Variants in ARHGEF9 observed in about 807,000 individuals in gnomAD.
ARHGEF9 encodes the protein rho guanine nucleotide exchange factor 9.
Under a neutral mutation model 41.3 loss-of-function variants are expected in ARHGEF9, and 2 were observed. The observed-to-expected ratio is 0.05, with a 90% CI of 0.02 to 0.15. The LOEUF is 0.15. Among genes scored for constraint, ARHGEF9 ranks in the 10% least tolerant of loss-of-function variants. ARHGEF9 has a pLI of 1.00. For synonymous variants in ARHGEF9, 160 were observed against 154.4 expected, an observed-to-expected ratio of 1.04 and a Z score of -0.27; for missense variants, 225 against 424.7, an observed-to-expected ratio of 0.53 and a Z score of 4.13.
chrX:63,638,296 C>G, intron 9 of ARHGEF9, 87 bp from the exon 10 acceptor site: 1 of 833,421 alleles, frequency 1.2e-6, no homozygotes, highest in Non-Finnish European at 1.8e-6. Flanking sequence ...TCTGGGCAGA[C>G]AACTCAAGGC....
intron 1 of ARHGEF9, among the ~76,000 whole-genome samples, chrX:63,772,132 T>G (rs1297108956): frequency 8.9e-6 from 1 of 112,286 alleles, no homozygotes; most frequent in Non-Finnish European, 1.9e-5. Context: ...CTTAAACAGG[T>G]GAAGTCACTT....
rs1452692880 is a variant in ARHGEF9, at chrX:63,637,060, T to C, written c.*968A>G. On this transcript the variant is annotated 3_prime_UTR_variant, in exon 10 of 10. Coordinates refer to ENST00000671741, the MANE Select transcript of ARHGEF9 (RefSeq NM_001353921.2). The stretch of plus-strand genomic sequence containing the variant: ...ACCTCTGCTTCCAGTTCAGATCTTT[T>C]GGGCTAAGGGAGAGACAGGCCTAGG... 26 of 295,392 alleles carry C rather than the reference T, an allele frequency of 8.8e-5. No homozygotes were observed. Among genetic ancestry groups the C allele is most frequent in the Admixed American group, 1.2e-4 (2 of 16,171 alleles). The allele number at this position is 295,392 out of a possible 1,213,427, so 24.3% of individuals were successfully genotyped here.
In ARHGEF9 at chrX:63,667,166, C is replaced by T. The variant is rs782175924; in HGVS notation, c.946-1149G>A. Reference sequence around the variant, plus strand: ...GAGCACCTATATGAGTCAGACAGTGCGCCAGATATTTTCAATCTATCTTAT... The same window carrying T: ...GAGCACCTATATGAGTCAGACAGTGTGCCAGATATTTTCAATCTATCTTAT... On this transcript the variant is annotated intron_variant, in intron 6 of 9. Coordinates refer to ENST00000671741, the MANE Select transcript of ARHGEF9 (RefSeq NM_001353921.2). Among the ~76,000 whole-genome samples, 3 of 111,717 alleles carry T rather than the reference C, an allele frequency of 2.7e-5. No individual in the cohort carries two copies. In the South Asian group the frequency reaches 1.1e-3, roughly 42 times the overall value.
At chrX:63,756,868 CCA>C (rs2147795678) in intron 1 of ARHGEF9, among the ~76,000 whole-genome samples, 1 of 111,792 alleles carries the variant, frequency 8.9e-6, no homozygotes, top group Non-Finnish European at 1.9e-5. Flanking sequence ...ACCCCTCAAC[CCA>C]CTGCATCCTG....
At chrX:63,671,504 G>C (rs1289120195) in intron 6 of ARHGEF9, 3 of 112,393 alleles carry the variant, frequency 2.7e-5, no homozygotes, top group African/African-American at 9.7e-5. Flanking sequence ...ACAAAGAACA[G>C]CAATTGGGCT....
chrX:63,748,152 A>G (rs1466662290), intron 1 of ARHGEF9, among the ~76,000 whole-genome samples: 1 of 112,427 alleles, frequency 8.9e-6, no homozygotes. Context: ...AACCAGGTGC[A>G]GTCTGCACTG....
intron 2 of ARHGEF9, among the ~76,000 whole-genome samples, chrX:63,724,157 A>G (rs1472674851): frequency 9.0e-6 from 1 of 111,081 alleles, no homozygotes; most frequent in Non-Finnish European, 1.9e-5. Flanking sequence ...AAAGATGAGA[A>G]ATAGAAAGCA....
intron 4 of ARHGEF9, among the ~76,000 whole-genome samples, chrX:63,680,460 C>T (rs1556367825): frequency 8.9e-6 from 1 of 112,031 alleles, no homozygotes; most frequent in Non-Finnish European, 1.9e-5. Flanking sequence ...GGGACACTGC[C>T]CTAATGACCA....
Position 63,636,940 on chromosome X carries a change from C to G in ARHGEF9, c.*1088G>C. On this transcript the variant is annotated 3_prime_UTR_variant, in exon 10 of 10. Coordinates refer to ENST00000671741, the MANE Select transcript of ARHGEF9 (RefSeq NM_001353921.2). ...CATCTGTAAATGGGAGCAGGGACAA[C>G]CAGGACACTGAACTGATTGCTGTAG... 2 of 297,210 alleles carry G rather than the reference C, an allele frequency of 6.7e-6. No individual in the cohort carries two copies. Among genetic ancestry groups the G allele is most frequent in the Non-Finnish European group, 1.2e-5 (2 of 170,286 alleles). The allele number at this position is 297,210 out of a possible 1,213,427, so 24.5% of individuals were successfully genotyped here.
rs1372137519 is a variant in ARHGEF9 at position 63,698,117 on chromosome X, A to C, written c.403-813T>G. Among the ~76,000 whole-genome samples the C allele has an allele frequency of 3.8e-5, 4 of 106,032 alleles. No individual in the cohort carries two copies. In the Admixed American group the frequency reaches 4.1e-4, roughly 11 times the overall value. The allele number at this position is 106,032 out of a possible 115,157, so 92.1% of individuals were successfully genotyped here. A position where few individuals can be genotyped will look rare whatever the true frequency, so the allele number is the denominator to read the frequency against. On this transcript the variant is annotated intron_variant, in intron 3 of 9. Coordinates refer to ENST00000671741, the MANE Select transcript of ARHGEF9 (RefSeq NM_001353921.2). ...AGGACACATTTATAAATTTATATAT[A>C]TATATATAAATTTATAAATATATCA...
At chrX:63,773,486 A>G (rs1556456090) in intron 1 of ARHGEF9, among the ~76,000 whole-genome samples, 1 of 112,306 alleles carries the variant, frequency 8.9e-6, no homozygotes, top group Non-Finnish European at 1.9e-5. Context: ...CCACACAGAT[A>G]CAGAGTAGCG....
intron 4 of ARHGEF9, among the ~76,000 whole-genome samples, chrX:63,680,416 G>A (rs1602370602): frequency 8.9e-6 from 1 of 112,374 alleles, no homozygotes; most frequent in East Asian, 2.8e-4. Context: ...ACAGGGAGGA[G>A]ACAGGAGTGT....
intron 8 of ARHGEF9, among the ~76,000 whole-genome samples, chrX:63,651,889 T>C (rs1216092444): frequency 8.3e-5 from 9 of 108,130 alleles, no homozygotes; most frequent in East Asian, 2.9e-4. Flanking sequence ...GAAATGAAAA[T>C]AGCCATTAAG....
intron 1 of ARHGEF9, among the ~76,000 whole-genome samples, chrX:63,777,530 A>T (rs1474563574): frequency 1.8e-5 from 2 of 111,850 alleles, no homozygotes; most frequent in African/African-American, 6.5e-5. Flanking sequence ...TCACTCCAGC[A>T]TTAACTCAAA....
chrX:63,701,048 C>A (rs2052127873), intron 3 of ARHGEF9, among the ~76,000 whole-genome samples: 1 of 111,756 alleles, frequency 8.9e-6, no homozygotes, highest in Admixed American at 9.5e-5. Context: ...AGGAAAGCTG[C>A]CCATCTATTT....
chrX:63,699,496 T>C (rs1432836747), intron 3 of ARHGEF9, among the ~76,000 whole-genome samples: 2 of 112,055 alleles, frequency 1.8e-5, no homozygotes, highest in Non-Finnish European at 3.8e-5. Context: ...GCATAAAATA[T>C]AACAGAAATA....
At chrX:63,763,387 A>C (rs2147804162) in intron 1 of ARHGEF9, among the ~76,000 whole-genome samples, 1 of 111,027 alleles carries the variant, frequency 9.0e-6, no homozygotes, top group Non-Finnish European at 1.9e-5. Flanking sequence ...GTATTAATAT[A>C]TTAAATTTTA....
chrX:63,713,350 C>T (rs1404478308), intron 2 of ARHGEF9, among the ~76,000 whole-genome samples: 1 of 110,186 alleles, frequency 9.1e-6, no homozygotes, highest in Non-Finnish European at 1.9e-5. Context: ...ACTCCCTTGA[C>T]AACATACCCT....
chrX:63,672,759 G>A (rs782432480), intron 6 of ARHGEF9, among the ~76,000 whole-genome samples: 1 of 111,443 alleles, frequency 9.0e-6, no homozygotes, highest in Non-Finnish European at 1.9e-5. Flanking sequence ...GAGAGAATAA[G>A]GCCAGCTAAT....
Sources: gnomAD v4.1 joint callset for allele counts (sites outside exome capture counted in the v4.1 genomes callset) on GRCh38, gnomAD v4.1.1 for gene constraint, MANE v1.5 for transcripts, NCBI Gene and HGNC (gene_info 2026-07-23, HGNC 2026-07-21) for gene names.